The following BCL3 variants were observed in gnomAD, a reference collection of about 807,000 sequenced individuals.
BCL3 encodes B-cell lymphoma 3 protein.
A neutral mutation model predicts 35.7 loss-of-function variants in BCL3; 15 were observed. That is an observed-to-expected ratio of 0.42 (90% CI 0.28 to 0.65). The LOEUF (loss-of-function observed/expected upper bound fraction) is 0.65, where lower values mean the gene tolerates loss of function less well. Among genes scored for constraint, BCL3 ranks in the 30% least tolerant of loss-of-function variants. The probability of loss-of-function intolerance (pLI) is 0.22; values close to 1 mark genes in which losing one functional copy is unlikely to be tolerated. For synonymous variants in BCL3, 311 were observed against 284.3 expected, an observed-to-expected ratio of 1.09 and a Z score of -0.95; for missense variants, 565 against 641.7, an observed-to-expected ratio of 0.88 and a Z score of 1.29.
At chr19:44,750,274 G>A (rs938104587) in intron 1 of BCL3, among the ~76,000 whole-genome samples, 1 of 139,108 alleles carries the variant, frequency 7.2e-6, no homozygotes, top group African/African-American at 3.0e-5. Context: ...CTGCTGCCAT[G>A]GTCCCCTCGC....
intron 2 of BCL3, chr19:44,755,298 C>T (rs1384587880): frequency 6.6e-6 from 1 of 152,302 alleles, no homozygotes. Context: ...TGTGTCGCCT[C>T]CACACGGCCT....
At chr19:44,753,159 A>G (rs1967213670) in intron 2 of BCL3, among the ~76,000 whole-genome samples, 1 of 152,232 alleles carries the variant, frequency 6.6e-6, no homozygotes, top group Non-Finnish European at 1.5e-5. Flanking sequence ...CAGAGCTCCC[A>G]GGGTGGTTGC....
At chr19:44,752,259 G>C (rs750728015) in intron 2 of BCL3, among the ~76,000 whole-genome samples, 10 of 149,646 alleles carry the variant, frequency 6.7e-5, no homozygotes, top group South Asian at 2.1e-4. Context: ...GGAGTGCAGT[G>C]GTGCAATCAT....
chr19:44,748,924 C>A lies in BCL3; in HGVS notation c.134C>A (p.Ala45Asp), dbSNP rs932958438. The change falls in exon 1 of 9, where the codon GCC becomes GAC. Residue 45 changes from alanine to aspartate, a missense_variant. Physicochemically the swap from Ala to Asp is moderately radical, Grantham distance 126. This residue lies in a region of BCL3 where 267 missense variants were observed against 281.5 expected (regional missense o/e 0.95). Transcript: ENST00000164227. ...RPLRAPSPEP[A>D]APRGAAGLVV... ...CTGCGCGCGCCCTCCCCGGAGCCCG[C>A]CGCTCCCCGCGGCGCTGCGGGCCTT... The A allele has an allele frequency of 1.4e-5, 16 of 1,180,918 alleles. No individual in the cohort carries two copies. In the African/African-American group the frequency reaches 2.3e-4, roughly 17 times the overall value. The allele number at this position is 1,180,918 out of a possible 1,614,324, so 73.2% of individuals were successfully genotyped here. A position where few individuals can be genotyped will look rare whatever the true frequency, so the allele number is the denominator to read the frequency against.
At chr19:44,759,192 A>C (rs1219139807) in intron 8 of BCL3, among the ~76,000 whole-genome samples, 8 of 57,852 alleles carry the variant, frequency 1.4e-4, no homozygotes, top group Non-Finnish European at 1.8e-4. Flanking sequence ...CCTCCCTCAC[A>C]CCCCCAGCCC....
At chr19:44,758,919 C>T in intron 8 of BCL3, 78 bp downstream of exon 8, 2 of 1,264,324 alleles carry the variant, frequency 1.6e-6, no homozygotes, top group East Asian at 5.1e-5. Context: ...GCCCCTCCTC[C>T]CTCAGATCCA....
intron 2 of BCL3, among the ~76,000 whole-genome samples, chr19:44,752,114 T>C (rs1456888712): frequency 4.7e-5 from 7 of 150,506 alleles, no homozygotes; most frequent in Non-Finnish European, 1.5e-5. Context: ...ACACACAAAC[T>C]TGAAATTAAA....
At chr19:44,752,827 C>T (rs535300411) in intron 2 of BCL3, among the ~76,000 whole-genome samples, 5 of 152,268 alleles carry the variant, frequency 3.3e-5, no homozygotes, top group Admixed American at 6.5e-5. Context: ...GGAACCATCG[C>T]GTGTGAGGGT....
At chr19:44,754,500 G>A (rs1407838829) in intron 2 of BCL3, among the ~76,000 whole-genome samples, 1 of 152,196 alleles carries the variant, frequency 6.6e-6, no homozygotes, top group African/African-American at 2.4e-5. Flanking sequence ...CCGCCCAGCA[G>A]ACCTGTTACT....
intron 2 of BCL3, among the ~76,000 whole-genome samples, chr19:44,754,467 C>T (rs1365199905): frequency 6.6e-6 from 1 of 152,178 alleles, no homozygotes; most frequent in Non-Finnish European, 1.5e-5. Flanking sequence ...GGCTTCCCTC[C>T]CCCGGGAGCA....
At position 44,759,577 on chromosome 19, in the gene BCL3, C is replaced by T. The variant is rs755569977; in HGVS notation, c.1327C>T (p.Arg443Trp). Residue 443 changes from arginine (R) to tryptophan (W), a missense_variant, in exon 9 of 9, where the codon CGG becomes TGG. Physicochemically the swap from Arg to Trp is moderately radical, Grantham distance 101. Coordinates refer to ENST00000164227, the MANE Select transcript of BCL3 (RefSeq NM_005178.5). ...PFAGVLRGPG[R>W]PVPPSPAPGG... ...TGCTGGGGTCCTCCGAGGCCCTGGCCGGCCGGTGCCCCCCTCCCCAGCTCC... is the reference window on the plus strand; with the variant it reads ...TGCTGGGGTCCTCCGAGGCCCTGGCTGGCCGGTGCCCCCCTCCCCAGCTCC... The T allele has an allele frequency of 2.5e-6, 4 of 1,609,434 alleles. No homozygotes were observed. The highest frequency in any genetic ancestry group is 2.7e-5 in the African/African-American group (2 of 74,826).
In BCL3 at chr19:44,757,260, G is replaced by A. The variant is rs939576968; in HGVS notation, c.724+39G>A. The A allele has an allele frequency of 1.9e-6, 3 of 1,555,348 alleles. No individual in the cohort carries two copies. The highest frequency in any genetic ancestry group is 1.9e-5 in the Admixed American group (1 of 52,482). Reference sequence around the variant, plus strand: ...GCGGGGCACCGCTGGGCTGTCCAGCGGACCTGGAGTCCATCAGCGGCCGCA... The same window carrying A: ...GCGGGGCACCGCTGGGCTGTCCAGCAGACCTGGAGTCCATCAGCGGCCGCA... On this transcript the variant is annotated intron_variant, in intron 4 of 8. Transcript: ENST00000164227. The surrounding 1 kb of genome is among the most constrained non-coding windows in gnomAD (Gnocchi z 8.4).
intron 2 of BCL3, among the ~76,000 whole-genome samples, chr19:44,753,827 G>GC (rs1276729710): frequency 7.4e-6 from 1 of 134,310 alleles, no homozygotes; most frequent in Non-Finnish European, 1.6e-5. Context: ...GAAGGCGGGG[G>GC]CGGGGGGGGG....
At position 44,758,705 on chromosome 19, in the gene BCL3, C is replaced by G. The variant is rs769429059; in HGVS notation, c.1060-19C>G. 1 of 1,571,566 alleles carries G rather than the reference C, an allele frequency of 6.4e-7. No homozygotes were observed. The highest frequency in any genetic ancestry group is 1.4e-5 in the African/African-American group (1 of 74,006). ...TGTGAGGCATGGGTGGCTCTATGGT[C>G]ACGCCCATCTTCCTACAGGTCATCG... is the stretch of plus-strand genomic sequence containing the variant. On this transcript the variant is annotated intron_variant, in intron 7 of 8. Coordinates refer to ENST00000164227, the MANE Select transcript of BCL3 (RefSeq NM_005178.5).
chr19:44,756,487 C>T (rs1967285943), intron 3 of BCL3, 147 bp downstream of exon 3: 2 of 544,226 alleles, frequency 3.7e-6, no homozygotes, highest in Middle Eastern at 5.4e-4. Flanking sequence ...GGTGCCTGGA[C>T]TCCTGGGTCT....
At chr19:44,756,953 C>G (rs1967299717) in intron 3 of BCL3, 64 bp from the exon 4 acceptor site, 3 of 1,451,602 alleles carry the variant, frequency 2.1e-6, no homozygotes, top group East Asian at 2.5e-5. Context: ...GTTCAGAAAA[C>G]CTGGGGGAGG....
In BCL3 at chr19:44,757,344, G is replaced by A. The variant is rs1428531523; in HGVS notation, c.742G>A (p.Val248Met). 2 of 1,605,756 alleles carry A rather than the reference G, an allele frequency of 1.2e-6. No individual in the cohort carries two copies. The highest frequency in any genetic ancestry group is 1.3e-5 in the African/African-American group (1 of 74,738). Reference protein sequence around the residue: ...RNYDGLTALHVAVNTECQETV... With the variant: ...RNYDGLTALHMAVNTECQETV... The stretch of plus-strand genomic sequence containing the variant: ...TCCCTCAGGGCTCACCGCCCTGCAC[G>A]TGGCAGTGAACACCGAGTGCCAAGA... The change falls in exon 5 of 9, where the codon GTG becomes ATG. Residue 248 changes from valine to methionine, a missense_variant. Physicochemically the swap from Val to Met is conservative, Grantham distance 21. This residue lies in a region of BCL3 where 103 missense variants were observed against 106.7 expected (regional missense o/e 0.97). Transcript: ENST00000164227. The surrounding 1 kb of genome is among the most constrained non-coding windows in gnomAD (Gnocchi z 8.4).
At position 44,748,927 on chromosome 19, in the gene BCL3, C is replaced by T; in HGVS notation, c.137C>T (p.Ala46Val). Residue 46 changes from alanine (A) to valine (V), a missense_variant, in exon 1 of 9, where the codon GCT (alanine) becomes GTT (valine). Transcript: ENST00000164227. ...PLRAPSPEPA[A>V]PRGAAGLVVP... ...CGCGCGCCCTCCCCGGAGCCCGCCGCTCCCCGCGGCGCTGCGGGCCTTGTC... is the reference window on the plus strand; with the variant it reads ...CGCGCGCCCTCCCCGGAGCCCGCCGTTCCCCGCGGCGCTGCGGGCCTTGTC... 8.4e-7 allele frequency: 1 copy of T among 1,189,242 alleles called. No homozygotes were observed. The allele number at this position is 1,189,242 out of a possible 1,614,324, so 73.7% of individuals were successfully genotyped here. A position where few individuals can be genotyped will look rare whatever the true frequency, so the allele number is the denominator to read the frequency against.
At chr19:44,756,584 G>GGGGTCT (rs1211710235) in intron 3 of BCL3, among the ~76,000 whole-genome samples, 1 of 146,194 alleles carries the variant, frequency 6.8e-6, no homozygotes, top group African/African-American at 2.6e-5. Context: ...AGGAGGGCTG[G>GGGGTCT]GGATCTGGAC....
Sources: gnomAD v4.1 joint callset for allele counts (sites outside exome capture counted in the v4.1 genomes callset) on GRCh38, gnomAD v4.1.1 for gene constraint, gnomAD v4.1.1 regional missense constraint, Gnocchi (gnomAD v3.1) non-coding constraint, MANE v1.5 for transcripts, NCBI Gene and HGNC (gene_info 2026-07-23, HGNC 2026-07-21) for gene names.